The following LIN9 variants were observed in gnomAD, a reference collection of about 807,000 sequenced individuals.
The protein encoded by LIN9 is protein lin-9 homolog.
Under a neutral mutation model 78.0 loss-of-function variants are expected in LIN9, and 18 were observed. That is an observed-to-expected ratio of 0.23 (90% CI 0.16 to 0.34). The LOEUF (loss-of-function observed/expected upper bound fraction) is 0.34. Among genes scored for constraint, LIN9 ranks in the 10% least tolerant of loss-of-function variants. The pLI, the probability that LIN9 is intolerant of heterozygous loss-of-function variation, is 1.00. For missense variants in LIN9, 451 were observed against 644.1 expected (o/e 0.70, Z 3.25); for synonymous variants, 192 against 215.2 (o/e 0.89, Z 0.94).
At chr1:226,300,725 A>G (rs1662475994) in intron 2 of LIN9, among the ~76,000 whole-genome samples, 1 of 152,066 alleles carries the variant, frequency 6.6e-6, no homozygotes, top group Non-Finnish European at 1.5e-5. Context: ...GCATGGTGGC[A>G]CATGCCTGTA....
chr1:226,268,547 T>C (rs1660071142), intron 7 of LIN9, among the ~76,000 whole-genome samples: 1 of 152,202 alleles, frequency 6.6e-6, no homozygotes, highest in African/African-American at 2.4e-5. Context: ...ATCTGGGAAC[T>C]TGGATTTCGG....
chr1:226,296,976 G>A (rs1558205549), intron 3 of LIN9, among the ~76,000 whole-genome samples: 2 of 152,198 alleles, frequency 1.3e-5, no homozygotes, highest in African/African-American at 4.8e-5. Context: ...CTGGGCGACA[G>A]AGCGAGACCT....
rs564403199 is a variant in LIN9 at position 226,275,342 on chromosome 1, C to T, written c.682+2433G>A. On this transcript the variant is annotated intron_variant, in intron 7 of 14. Transcript: ENST00000681046. ...GGCAGCCTAGATTTGGCCTATAGGC[C>T]GTAAGTTTGCTGACCCCTGCACTAG... is the stretch of plus-strand genomic sequence containing the variant. 2.6e-4 allele frequency among the ~76,000 whole-genome samples: 40 copies of T among 152,182 alleles called. 1 individual carries two copies. The highest frequency in any genetic ancestry group is 7.9e-4 in the Admixed American group (12 of 15,282).
At chr1:226,302,042 C>T (rs1444433648) in intron 1 of LIN9, among the ~76,000 whole-genome samples, 1 of 152,124 alleles carries the variant, frequency 6.6e-6, no homozygotes, top group Non-Finnish European at 1.5e-5. Flanking sequence ...GCACTTCAGC[C>T]TGACAGACAG....
At chr1:226,267,666 A>G (rs183308612) in intron 8 of LIN9, among the ~76,000 whole-genome samples, 43 of 152,302 alleles carry the variant, frequency 2.8e-4, no homozygotes, top group Non-Finnish European at 5.1e-4. Flanking sequence ...AGCTGCAATG[A>G]AAATGTTATG....
upstream of LIN9, chr1:226,309,206 T>C (rs1353857964): frequency 6.2e-6 from 9 of 1,457,586 alleles, no homozygotes; most frequent in African/African-American, 1.4e-5. Flanking sequence ...GGAGACTGTC[T>C]TTGCGAGGGA....
chr1:226,247,026 C>A (rs1269410816), intron 11 of LIN9, among the ~76,000 whole-genome samples: 2 of 152,012 alleles, frequency 1.3e-5, no homozygotes, highest in Non-Finnish European at 2.9e-5. Context: ...CTCTTCTCTT[C>A]TAAATTTTCC....
At chr1:226,293,418 T>C (rs956553582) in intron 4 of LIN9, among the ~76,000 whole-genome samples, 10 of 152,250 alleles carry the variant, frequency 6.6e-5, no homozygotes, top group African/African-American at 1.7e-4. Context: ...TTGTGAATCA[T>C]CTAGATTATC....
chr1:226,254,169 T>A (rs1474105861), intron 10 of LIN9, among the ~76,000 whole-genome samples: 1 of 152,018 alleles, frequency 6.6e-6, no homozygotes, highest in Non-Finnish European at 1.5e-5. Context: ...CTAGACTCAA[T>A]CCTTGTCTAT....
intron 3 of LIN9, 36 bp from the exon 4 acceptor site, chr1:226,295,982 G>A (rs773938148): frequency 6.2e-5 from 88 of 1,414,174 alleles, no homozygotes; most frequent in South Asian, 4.8e-5. Context: ...TGAAAAAGCC[G>A]AACCCTCCCA....
chr1:226,252,047 G>T (rs775852671), intron 10 of LIN9, among the ~76,000 whole-genome samples: 1 of 152,080 alleles, frequency 6.6e-6, no homozygotes, highest in Non-Finnish European at 1.5e-5. Context: ...TTAAGCCCAA[G>T]AGTTTGTGAC....
chr1:226,297,762 G>A lies in LIN9; in HGVS notation c.116C>T (p.Thr39Ile). Residue 39 changes from threonine (T) to isoleucine (I), a missense_variant, in exon 3 of 15, where the codon ACA becomes ATA. Thr to Ile is a moderately conservative substitution (Grantham distance 89). Coordinates refer to ENST00000681046, the MANE Select transcript of LIN9 (RefSeq NM_001366245.2). ...TGTATTCCTGCCTTTCCAAACAGGT[G>A]TTTTCTGTAAAGAACTGTACTTTTC... ...WNEKYSSLQKTPVWKGRNTSS... is the reference protein window; with the variant it reads ...WNEKYSSLQKIPVWKGRNTSS... The A allele has an allele frequency of 6.3e-7, 1 of 1,595,130 alleles. No homozygotes were observed. Among genetic ancestry groups the A allele is most frequent in the Non-Finnish European group, 8.5e-7 (1 of 1,172,514 alleles).
In LIN9 at chr1:226,266,273, A is replaced by T; in HGVS notation, c.876T>A (p.Ser292=). ...ACCGTGGTGGGGTCATAAAAAATCG[A>T]GAAGGCCGCTGTTTTTGTCCAAAGG... is the stretch of plus-strand genomic sequence containing the variant. ...IAAFGQKQRP[S]RFFMTPPRLH... The change falls in exon 9 of 15, where the codon TCT becomes TCA. Residue 292 remains serine, a synonymous_variant. Coordinates refer to ENST00000681046, the MANE Select transcript of LIN9 (RefSeq NM_001366245.2). The T allele has an allele frequency of 6.2e-7, 1 of 1,602,506 alleles. No homozygotes were observed. Among genetic ancestry groups the T allele is most frequent in the Non-Finnish European group, 8.5e-7 (1 of 1,172,622 alleles).
intron 7 of LIN9, among the ~76,000 whole-genome samples, chr1:226,276,348 A>G (rs913621766): frequency 1.3e-5 from 2 of 152,058 alleles, no homozygotes; most frequent in Admixed American, 1.3e-4. Flanking sequence ...ACAACTAAAC[A>G]TTTTTCAAAT....
At chr1:226,288,387 C>A (rs1661509800) in intron 4 of LIN9, among the ~76,000 whole-genome samples, 3 of 152,124 alleles carry the variant, frequency 2.0e-5, no homozygotes, top group Admixed American at 6.5e-5. Flanking sequence ...CACCACTAAC[C>A]TAGTATGACA....
chr1:226,264,079 C>A (rs1286654862), intron 10 of LIN9, among the ~76,000 whole-genome samples: 1 of 151,656 alleles, frequency 6.6e-6, no homozygotes, highest in South Asian at 2.1e-4. Context: ...TTGTCTCAAA[C>A]AAACAAATAA....
rs1271107700 is a variant in LIN9, at chr1:226,241,362, A to C, written c.1120-2266T>G. On this transcript the variant is annotated intron_variant, in intron 11 of 14. Coordinates refer to ENST00000681046, the MANE Select transcript of LIN9 (RefSeq NM_001366245.2). ...CAAGCCTCTTCTCGGGGAAAAGTGTATACTTTTGCAGACTCAGAACTAGTT... is the reference window on the plus strand; with the variant it reads ...CAAGCCTCTTCTCGGGGAAAAGTGTCTACTTTTGCAGACTCAGAACTAGTT... Among the ~76,000 whole-genome samples, 6 of 152,370 alleles carry C rather than the reference A, an allele frequency of 3.9e-5. No homozygotes were observed. In the East Asian group the frequency reaches 9.6e-4, roughly 24 times the overall value.
At chr1:226,292,697 G>C (rs538412697) in intron 4 of LIN9, among the ~76,000 whole-genome samples, 37 of 152,294 alleles carry the variant, frequency 2.4e-4, no homozygotes, top group African/African-American at 8.7e-4. Context: ...CTGAGCTCAA[G>C]CGATCCTCCC....
intron 5 of LIN9, among the ~76,000 whole-genome samples, chr1:226,287,004 G>A (rs1576341809): frequency 6.6e-6 from 1 of 152,266 alleles, no homozygotes; most frequent in East Asian, 1.9e-4. Context: ...ATACATAAAT[G>A]CCTTGGGCTC....
Sources: allele counts gnomAD v4.1 joint callset (sites outside exome capture counted in the v4.1 genomes callset), GRCh38; gene constraint gnomAD v4.1.1; transcripts MANE v1.5; gene names NCBI Gene and HGNC (gene_info 2026-07-23, HGNC 2026-07-21).